Variants in ZNG1A observed in about 807,000 individuals in gnomAD.
ZNG1A encodes the protein zinc-regulated GTPase metalloprotein activator 1A.
the ZNG1A span, chr9:162,429 T>G: frequency 6.7e-7 from 1 of 1,497,652 alleles, no homozygotes; most frequent in Non-Finnish European, 9.1e-7. Context: ...TCTTTCAACT[T>G]ACTTTTAATC....
the ZNG1A span, among the ~76,000 whole-genome samples, chr9:131,973 T>A: frequency 7.2e-6 from 1 of 138,806 alleles, no homozygotes; most frequent in South Asian, 2.5e-4. Context: ...CACCTTCTCA[T>A]TTTTAAACAT....
chr9:139,751 C>T, the ZNG1A span, among the ~76,000 whole-genome samples: 2 of 151,470 alleles, frequency 1.3e-5, no homozygotes, highest in Non-Finnish European at 2.9e-5. Context: ...TCTGAGGTAC[C>T]GGGTTCATCT....
At chr9:121,509 C>G in the ZNG1A span, 1 of 1,611,414 alleles carries the variant, frequency 6.2e-7, no homozygotes, top group Non-Finnish European at 8.5e-7. Flanking sequence ...TTGTCCACTG[C>G]TTTTCTGTTT....
At chr9:139,905 G>A in the ZNG1A span, among the ~76,000 whole-genome samples, 187 of 150,118 alleles carry the variant, frequency 1.2e-3, 5 homozygotes, top group African/African-American at 1.3e-3. Flanking sequence ...GGTGACAGAC[G>A]GCACCTGGAA....
the ZNG1A span, among the ~76,000 whole-genome samples, chr9:145,829 A>C: frequency 6.6e-6 from 1 of 151,970 alleles, no homozygotes; most frequent in Non-Finnish European, 1.5e-5. Context: ...TCATAGAAAG[A>C]GTATTAGACA....
the ZNG1A span, among the ~76,000 whole-genome samples, chr9:129,543 C>G: frequency 6.7e-6 from 1 of 149,704 alleles, no homozygotes; most frequent in Non-Finnish European, 1.5e-5. Flanking sequence ...GGACATTACA[C>G]TAAGTGAAAT....
At chr9:169,962 T>A in the ZNG1A span, among the ~76,000 whole-genome samples, 1 of 136,134 alleles carries the variant, frequency 7.3e-6, no homozygotes, top group Non-Finnish European at 1.6e-5. Flanking sequence ...ACTCCTGAGC[T>A]CAAGTGATCC....
the ZNG1A span, among the ~76,000 whole-genome samples, chr9:177,016 T>C: frequency 4.6e-5 from 7 of 152,166 alleles, no homozygotes; most frequent in African/African-American, 1.7e-4. Context: ...GAGGCAATTA[T>C]GTCACAGGGT....
the ZNG1A span, among the ~76,000 whole-genome samples, chr9:157,483 TA>T: frequency 7.6e-6 from 1 of 131,420 alleles, no homozygotes; most frequent in Non-Finnish European, 1.6e-5. Context: ...AAGCCAACTT[TA>T]CAAATGAATT....
At chr9:126,574 G>C in the ZNG1A span, among the ~76,000 whole-genome samples, 2 of 151,984 alleles carry the variant, frequency 1.3e-5, no homozygotes, top group African/African-American at 2.4e-5. Flanking sequence ...ATTTCTTATT[G>C]AGCTTATTTG....
At chr9:163,322 T>C in the ZNG1A span, among the ~76,000 whole-genome samples, 7 of 151,476 alleles carry the variant, frequency 4.6e-5, no homozygotes, top group African/African-American at 1.7e-4. Flanking sequence ...AGCAAAAATA[T>C]GATCCTCATA....
the ZNG1A span, among the ~76,000 whole-genome samples, chr9:158,812 C>A: frequency 6.6e-6 from 1 of 151,954 alleles, no homozygotes; most frequent in African/African-American, 2.4e-5. Context: ...ATGTCCTCTT[C>A]TATGCCCATA....
the ZNG1A span, among the ~76,000 whole-genome samples, chr9:168,407 C>G: frequency 0.018 from 2,804 of 151,912 alleles, 96 homozygotes; most frequent in African/African-American, 0.064. Context: ...CTCCCACCAC[C>G]AAGCCAGGCT....
At chr9:139,722 G>C in the ZNG1A span, among the ~76,000 whole-genome samples, 2 of 151,682 alleles carry the variant, frequency 1.3e-5, no homozygotes, top group African/African-American at 4.9e-5. Context: ...GCAGAAGACA[G>C]GCGATTTCTC....
At chr9:175,915 C>T in the ZNG1A span, 9 of 1,385,722 alleles carry the variant, frequency 6.5e-6, 1 homozygote, top group Non-Finnish European at 7.7e-6. Flanking sequence ...ATAGAATATC[C>T]TAGAGGATAA....
At chr9:130,418 T>C in the ZNG1A span, among the ~76,000 whole-genome samples, 53,212 of 121,340 alleles carry the variant, frequency 0.44, 13,060 homozygotes, top group Non-Finnish European at 0.52. Flanking sequence ...AATGGCTTTA[T>C]TGTTAAAGAT....
At chr9:131,431 G>T in the ZNG1A span, among the ~76,000 whole-genome samples, 2 of 150,384 alleles carry the variant, frequency 1.3e-5, no homozygotes, top group East Asian at 3.9e-4. Context: ...AACTTTTATA[G>T]GTTTTCTTCA....
At chr9:176,955 G>T in the ZNG1A span, among the ~76,000 whole-genome samples, 1 of 152,108 alleles carries the variant, frequency 6.6e-6, no homozygotes, top group Non-Finnish European at 1.5e-5. Flanking sequence ...CCTTCATAGA[G>T]CTTAGAAATA....
the ZNG1A span, chr9:172,035 T>C: frequency 6.2e-7 from 1 of 1,609,092 alleles, no homozygotes; most frequent in Non-Finnish European, 8.5e-7. Context: ...CTATTTACAA[T>C]ATATCACAGA....
Sources: allele counts gnomAD v4.1 joint callset (sites outside exome capture counted in the v4.1 genomes callset), GRCh38; gene constraint gnomAD v4.1.1; transcripts MANE v1.5; gene names NCBI Gene and HGNC (gene_info 2026-07-23, HGNC 2026-07-21).